The following TMEM248 variants were observed in gnomAD, a reference collection of about 807,000 sequenced individuals.
The protein encoded by TMEM248 is transmembrane protein 248, also known as UPF0458 protein C7orf42.
A neutral mutation model predicts 30.3 loss-of-function variants in TMEM248; 9 were observed. That is an observed-to-expected ratio of 0.30 (90% CI 0.18 to 0.52). TMEM248 has a LOEUF of 0.52. Among genes scored for constraint, TMEM248 ranks in the 20% least tolerant of loss-of-function variants. TMEM248 has a pLI of 0.97. For synonymous variants in TMEM248, 184 were observed against 154.4 expected, an observed-to-expected ratio of 1.19 and a Z score of -1.42; for missense variants, 338 against 403.3, an observed-to-expected ratio of 0.84 and a Z score of 1.39.
rs532463369 is a variant in TMEM248, at chr7:66,921,869, G to A, written c.-19+408G>A. ...AGAAAGGTGGGAGGGAGAGACTCAC[G>A]TACGTCCACAAAGTTAAATGGCATA... On this transcript the variant is annotated intron_variant, in intron 1 of 6. Coordinates refer to ENST00000341567, the MANE Select transcript of TMEM248 (RefSeq NM_017994.5). 5 of 152,408 alleles carry A rather than the reference G, an allele frequency of 3.3e-5. No homozygotes were observed. In the East Asian group the frequency reaches 7.7e-4, roughly 23 times the overall value. The allele number at this position is 152,408 out of a possible 1,614,324, so 9.4% of individuals were successfully genotyped here.
chr7:66,953,264 C>G lies in TMEM248; in HGVS notation c.819C>G (p.Thr273=). 6.2e-7 allele frequency: 1 copy of G among 1,614,040 alleles called. No individual in the cohort carries two copies. The highest frequency in any genetic ancestry group is 8.5e-7 in the Non-Finnish European group (1 of 1,180,004). Residue 273 remains threonine, a synonymous_variant, in exon 6 of 7, where the codon ACC becomes ACG. Transcript: ENST00000341567. The part of the protein sequence containing the change: ...RSLINLHLMH[T]SYFLFVMVIT... ...TAATAAATTTGCATCTCATGCACAC[C>G]AGTTACTTCCTCTTTGTGATGGTGA...
Position 66,950,979 on chromosome 7 carries a change from G to A in TMEM248, c.624G>A (p.Thr208=), listed in dbSNP as rs746704965. Reference sequence around the variant, plus strand: ...AGCCACCGCACTGTGTTCCTGACACGTACAGCAACGCCACGCTCTGGTACA... The same window carrying A: ...AGCCACCGCACTGTGTTCCTGACACATACAGCAACGCCACGCTCTGGTACA... ...TVQPPHCVPD[T]YSNATLWYKI... is the part of the protein sequence containing the mutation. Residue 208 remains threonine (T), a synonymous_variant, in exon 5 of 7, where the codon ACG becomes ACA. Transcript: ENST00000341567. The A allele has an allele frequency of 3.1e-6, 5 of 1,604,984 alleles. No homozygotes were observed. Among genetic ancestry groups the A allele is most frequent in the African/African-American group, 1.3e-5 (1 of 74,586 alleles).
chr7:66,955,666 C>A lies in TMEM248; in HGVS notation c.*144C>A, dbSNP rs1238751498. ...CCAAAGACATTTCAAGTGCCTGTAA[C>A]TGATTTGTACATATTTATAAAAATC... On this transcript the variant is annotated 3_prime_UTR_variant, in exon 7 of 7. Coordinates refer to ENST00000341567, the MANE Select transcript of TMEM248 (RefSeq NM_017994.5). 3.1e-6 allele frequency: 3 copies of A among 964,380 alleles called. No homozygotes were observed. Among genetic ancestry groups the A allele is most frequent in the Non-Finnish European group, 4.7e-6 (3 of 636,600 alleles). The allele number at this position is 964,380 out of a possible 1,614,324, so 59.7% of individuals were successfully genotyped here.
chr7:66,950,795 A>C, intron 4 of TMEM248, among the ~76,000 whole-genome samples, 157 bp from the exon 5 acceptor site: 1 of 152,318 alleles, frequency 6.6e-6, no homozygotes, highest in East Asian at 1.9e-4. Context: ...CTAAAATATA[A>C]TGGTATTTAT....
intron 5 of TMEM248, among the ~76,000 whole-genome samples, chr7:66,952,163 C>T (rs1584417234): frequency 6.6e-6 from 1 of 152,002 alleles, no homozygotes; most frequent in East Asian, 1.9e-4. Context: ...AATCTCGGTT[C>T]GTTGCAACCT....
At chr7:66,929,219 C>A (rs1354391991) in intron 1 of TMEM248, among the ~76,000 whole-genome samples, 4 of 152,074 alleles carry the variant, frequency 2.6e-5, no homozygotes, top group Non-Finnish European at 5.9e-5. Context: ...GGCACATTAG[C>A]TGACTTCTAT....
In TMEM248 at chr7:66,955,622, C is replaced by T. The variant is rs1364039861; in HGVS notation, c.*100C>T. On this transcript the variant is annotated 3_prime_UTR_variant, in exon 7 of 7. Coordinates refer to ENST00000341567, the MANE Select transcript of TMEM248 (RefSeq NM_017994.5). ...GATGCTCTGTGAATACATTATCTTG[C>T]GATGTTGGGTTATTCCAGCCAAAGA... The T allele has an allele frequency of 2.4e-5, 33 of 1,396,418 alleles. No individual in the cohort carries two copies. Among genetic ancestry groups the T allele is most frequent in the Admixed American group, 3.8e-5 (2 of 52,532 alleles). 86.5% of individuals were successfully genotyped at this position (1,396,418 alleles called of 1,614,324 possible). A position where few individuals can be genotyped will look rare whatever the true frequency, so the allele number is the denominator to read the frequency against.
chr7:66,934,402 TGTCA>T (rs1412104503), intron 1 of TMEM248, among the ~76,000 whole-genome samples: 1 of 152,164 alleles, frequency 6.6e-6, no homozygotes, highest in Non-Finnish European at 1.5e-5. Context: ...GGTTTCATCA[TGTCA>T]GTCAGGCAGA....
At chr7:66,933,698 C>T (rs1791726039) in intron 1 of TMEM248, among the ~76,000 whole-genome samples, 1 of 152,156 alleles carries the variant, frequency 6.6e-6, no homozygotes, top group Non-Finnish European at 1.5e-5. Context: ...GCTTACAGTG[C>T]CGTCTGATGT....
At chr7:66,938,183 G>T (rs1465174618) in intron 1 of TMEM248, among the ~76,000 whole-genome samples, 1 of 152,102 alleles carries the variant, frequency 6.6e-6, no homozygotes, top group Non-Finnish European at 1.5e-5. Context: ...GATAAGTAAG[G>T]ATTTACTCCT....
chr7:66,932,125 G>C (rs1791684623), intron 1 of TMEM248, among the ~76,000 whole-genome samples: 1 of 152,050 alleles, frequency 6.6e-6, no homozygotes, highest in South Asian at 2.1e-4. Context: ...TTTACTAGCT[G>C]CTTTCCTCCC....
chr7:66,926,014 T>A (rs535571009), intron 1 of TMEM248, among the ~76,000 whole-genome samples: 2 of 152,278 alleles, frequency 1.3e-5, no homozygotes, highest in South Asian at 4.1e-4. Flanking sequence ...CCACAGTGCA[T>A]GACGGCTCCC....
At position 66,945,227 on chromosome 7, in the gene TMEM248, C is replaced by T. The variant is rs367594708; in HGVS notation, c.411C>T (p.Tyr137=). 4 of 1,614,082 alleles carry T rather than the reference C, an allele frequency of 2.5e-6. No homozygotes were observed. In the African/African-American group the frequency reaches 4.0e-5, roughly 16 times the overall value. Residue 137 remains tyrosine (Y), a synonymous_variant, in exon 3 of 7, where the codon TAC becomes TAT. Coordinates refer to ENST00000341567, the MANE Select transcript of TMEM248 (RefSeq NM_017994.5). Reference sequence around the variant, plus strand: ...ATTCCCGCAACGTCACCCATCTGTACTCAACCATCTTAGGGCATCAGATTG... The same window carrying T: ...ATTCCCGCAACGTCACCCATCTGTATTCAACCATCTTAGGGCATCAGATTG... The part of the protein sequence containing the change: ...GGYSRNVTHL[Y]STILGHQIGL...
chr7:66,953,267 TTACTTCC>T lies in TMEM248; in HGVS notation c.824_830del (p.Tyr275SerfsTer3), dbSNP rs927833627. 1.2e-6 allele frequency: 2 copies of T among 1,614,036 alleles called. No individual in the cohort carries two copies. The highest frequency in any genetic ancestry group is 8.5e-7 in the Non-Finnish European group (1 of 1,180,016). On this transcript the variant is annotated frameshift_variant, in exon 6 of 7. Coordinates refer to ENST00000341567, the MANE Select transcript of TMEM248 (RefSeq NM_017994.5). LOFTEE classifies it high-confidence loss of function. ...TAAATTTGCATCTCATGCACACCAGTTACTTCCTCTTTGTGATGGTGATAACAATGTT... is the reference window on the plus strand; with the variant it reads ...TAAATTTGCATCTCATGCACACCAGTTCTTTGTGATGGTGATAACAATGTT...
intron 1 of TMEM248, among the ~76,000 whole-genome samples, chr7:66,934,531 G>T (rs1472511883): frequency 6.6e-6 from 1 of 152,104 alleles, no homozygotes; most frequent in Non-Finnish European, 1.5e-5. Flanking sequence ...GACTATAATT[G>T]TCCTGTGCTG....
intron 1 of TMEM248, among the ~76,000 whole-genome samples, chr7:66,936,552 G>A (rs533938821): frequency 2.6e-5 from 4 of 152,028 alleles, no homozygotes; most frequent in African/African-American, 9.7e-5. Flanking sequence ...TTGGTATCAG[G>A]GTGATACTGG....
At chr7:66,953,005 CGTG>C (rs1792308855) in intron 5 of TMEM248, among the ~76,000 whole-genome samples, 1 of 152,142 alleles carries the variant, frequency 6.6e-6, no homozygotes, top group Non-Finnish European at 1.5e-5. Context: ...GCTAGGAAGG[CGTG>C]GTGCTCTCCA....
chr7:66,938,593 C>T (rs899977367), intron 1 of TMEM248, among the ~76,000 whole-genome samples: 3 of 152,204 alleles, frequency 2.0e-5, no homozygotes, highest in Non-Finnish European at 4.4e-5. Context: ...GCTGCACCTC[C>T]GCCCTCCGGG....
rs181547035 is a variant in TMEM248, at chr7:66,953,019, A to G, written c.781-207A>G. Among the ~76,000 whole-genome samples, 899 of 152,294 alleles carry G rather than the reference A, an allele frequency of 5.9e-3. 3 individuals are homozygous for G. The highest frequency in any genetic ancestry group is 0.01 in the Non-Finnish European group (690 of 68,026). ...CGCTAGGAAGGCGTGGTGCTCTCCA[A>G]CAGAGGCTCGGGAGCACCATGTCTT... On this transcript the variant is annotated intron_variant, in intron 5 of 6. Transcript: ENST00000341567.
Sources: gnomAD v4.1 joint callset for allele counts (sites outside exome capture counted in the v4.1 genomes callset) on GRCh38, gnomAD v4.1.1 for gene constraint, MANE v1.5 for transcripts, NCBI Gene and HGNC (gene_info 2026-07-23, HGNC 2026-07-21) for gene names.